Variants in PDGFRA observed in about 807,000 individuals in gnomAD.
The protein encoded by PDGFRA is platelet derived growth factor receptor alpha, also known as platelet-derived growth factor receptor alpha.
In PDGFRA, 25 loss-of-function variants were observed where a neutral mutation model predicts 121.5. That is an observed-to-expected ratio of 0.21 (90% CI 0.15 to 0.29). PDGFRA has a LOEUF of 0.29. Ranked by LOEUF, PDGFRA falls within the 10% of genes least tolerant of loss-of-function variation. PDGFRA has a pLI of 1.00. For synonymous variants in PDGFRA, 463 were observed against 494.8 expected, an observed-to-expected ratio of 0.94 and a Z score of 0.85; for missense variants, 1,008 against 1,345.1, an observed-to-expected ratio of 0.75 and a Z score of 3.92.
intron 1 of PDGFRA, among the ~76,000 whole-genome samples, chr4:54,244,402 C>T (rs965460543): frequency 2.0e-5 from 3 of 152,172 alleles, no homozygotes; most frequent in East Asian, 3.9e-4. Flanking sequence ...GCAGCATTTG[C>T]GGTTCACGAA....
chr4:54,285,800 A>G, intron 17 of PDGFRA, 41 bp from the exon 18 acceptor site: 1 of 1,610,982 alleles, frequency 6.2e-7, no homozygotes, highest in Non-Finnish European at 8.5e-7. Flanking sequence ...ATTCAGCTAC[A>G]GATGGCTTGA....
intron 21 of PDGFRA, among the ~76,000 whole-genome samples, chr4:54,289,422 C>T (rs1358775987): frequency 6.6e-6 from 1 of 152,222 alleles, no homozygotes; most frequent in Non-Finnish European, 1.5e-5. Flanking sequence ...CATTACATCA[C>T]TAATTTGAGT....
Position 54,297,612 on chromosome 4 carries a change from G to A in PDGFRA, c.*2340G>A. On this transcript the variant is annotated 3_prime_UTR_variant, in exon 23 of 23. Transcript: ENST00000257290. ...AAACTTCTCAGTCCAGCAGTTTCCA[G>A]TCCTAACAAATGCTCCCACCTGAAT... 1 of 233,656 alleles carries A rather than the reference G, an allele frequency of 4.3e-6. No individual in the cohort carries two copies. Among genetic ancestry groups the A allele is most frequent in the Non-Finnish European group, 8.5e-6 (1 of 118,054 alleles). The allele number at this position is 233,656 out of a possible 1,614,324, so 14.5% of individuals were successfully genotyped here.
rs5858264 is a variant in PDGFRA at position 54,284,879 on chromosome 4, C to CTTTTTTTTTTTTTTTTTT, written c.2324-487_2324-470dup. The stretch of plus-strand genomic sequence containing the variant: ...CTTTCCTTTCTTTCATTCTTTCTAT[C>CTTTTTTTTTTTTTTTTTT]TTTTTTTTTTTTTTTTTTTTTTGAG... On this transcript the variant is annotated intron_variant, in intron 16 of 22. Coordinates refer to ENST00000257290, the MANE Select transcript of PDGFRA (RefSeq NM_006206.6). Among the ~76,000 whole-genome samples, 9 of 101,248 alleles carry CTTTTTTTTTTTTTTTTTT rather than the reference C, an allele frequency of 8.9e-5. 4 individuals carry two copies. Among genetic ancestry groups the CTTTTTTTTTTTTTTTTTT allele is most frequent in the Admixed American group, 2.6e-4 (2 of 7,696 alleles). 66.4% of individuals were successfully genotyped at this position (101,248 alleles called of 152,430 possible).
chr4:54,260,100 C>A (rs1400461782), intron 2 of PDGFRA, among the ~76,000 whole-genome samples: 1 of 152,056 alleles, frequency 6.6e-6, no homozygotes, highest in East Asian at 1.9e-4. Context: ...ATTTGAGCTT[C>A]GAAGATGAAC....
At chr4:54,278,892 T>C (rs1242134642) in intron 15 of PDGFRA, 1 of 469,352 alleles carries the variant, frequency 2.1e-6, no homozygotes, top group Non-Finnish European at 4.2e-6. Context: ...AGGTCCTTGC[T>C]GAACCTGGAC....
At chr4:54,234,323 G>A (rs554485553) in intron 1 of PDGFRA, among the ~76,000 whole-genome samples, 37 of 152,318 alleles carry the variant, frequency 2.4e-4, no homozygotes, top group African/African-American at 8.4e-4. Flanking sequence ...ACAACCTAAG[G>A]AAGGAAGAGA....
chr4:54,291,735 C>T (rs1220039793), intron 22 of PDGFRA, among the ~76,000 whole-genome samples: 1 of 152,206 alleles, frequency 6.6e-6, no homozygotes, highest in Non-Finnish European at 1.5e-5. Flanking sequence ...TCTCAAAGAA[C>T]TTTTAACAGA....
chr4:54,290,647 G>A (rs191881527), intron 22 of PDGFRA, 93 bp downstream of exon 22: 107 of 1,428,814 alleles, frequency 7.5e-5, no homozygotes, highest in African/African-American at 1.8e-4. Flanking sequence ...GTGCACTCCC[G>A]GTTGGTAAAT....
At chr4:54,267,891 T>C in intron 7 of PDGFRA, 150 bp downstream of exon 7, 1 of 709,790 alleles carries the variant, frequency 1.4e-6, no homozygotes, top group Non-Finnish European at 2.5e-6. Flanking sequence ...ATCCCTTTAA[T>C]GATAACATTG....
intron 12 of PDGFRA, chr4:54,277,141 C>A: frequency 1.9e-6 from 1 of 534,424 alleles, no homozygotes. Context: ...GGGAGGGCTG[C>A]ACCCTCCTTT....
chr4:54,236,371 C>G (rs1721009986), intron 1 of PDGFRA, among the ~76,000 whole-genome samples: 1 of 152,184 alleles, frequency 6.6e-6, no homozygotes, highest in South Asian at 2.1e-4. Context: ...AAGACTCACT[C>G]CCAGAGAGCC....
intron 10 of PDGFRA, 36 bp from the exon 11 acceptor site, chr4:54,274,495 A>G (rs749701647): frequency 6.7e-7 from 1 of 1,499,598 alleles, no homozygotes; most frequent in South Asian, 1.1e-5. Flanking sequence ...GTCTGCCAGG[A>G]AACTTTTCAT....
chr4:54,258,747 A>C lies in PDGFRA; in HGVS notation c.-12-10A>C. 1 of 1,594,034 alleles carries C rather than the reference A, an allele frequency of 6.3e-7. No individual in the cohort carries two copies. Among genetic ancestry groups the C allele is most frequent in the African/African-American group, 1.3e-5 (1 of 74,656 alleles). On this transcript the variant is annotated splice_polypyrimidine_tract_variant and intron_variant, in intron 1 of 22. Transcript: ENST00000257290. ...CTAATGCTGTTTCTGTTGACTTTTG[A>C]CTTTTCTAGTTTCCCAGAGCTATGG...
At chr4:54,235,165 T>C (rs1027803438) in intron 1 of PDGFRA, among the ~76,000 whole-genome samples, 1 of 152,164 alleles carries the variant, frequency 6.6e-6, no homozygotes, top group Admixed American at 6.5e-5. Flanking sequence ...CAGTTAGAAT[T>C]AACTTAGGAG....
chr4:54,235,275 G>C, intron 1 of PDGFRA, among the ~76,000 whole-genome samples: 1 of 152,158 alleles, frequency 6.6e-6, no homozygotes, highest in Non-Finnish European at 1.5e-5. Context: ...ATGTGAGGGT[G>C]GGGTGAAATT....
At chr4:54,270,147 A>G (rs1723262063) in intron 7 of PDGFRA, among the ~76,000 whole-genome samples, 1 of 152,170 alleles carries the variant, frequency 6.6e-6, no homozygotes, top group South Asian at 2.1e-4. Context: ...GCAAAATACA[A>G]GCAAGTAGGA....
chr4:54,258,689 A>T (rs1455420336), intron 1 of PDGFRA, 68 bp from the exon 2 acceptor site: 10 of 951,638 alleles, frequency 1.1e-5, no homozygotes, highest in Non-Finnish European at 1.6e-5. Context: ...GCAAAACACA[A>T]AGAGAACTAG....
chr4:54,239,805 C>A (rs891217504), intron 1 of PDGFRA, among the ~76,000 whole-genome samples: 2 of 151,840 alleles, frequency 1.3e-5, no homozygotes, highest in Non-Finnish European at 2.9e-5. Flanking sequence ...TTCTCTGGGA[C>A]CTTTTCTCTT....
Sources: gnomAD v4.1 joint callset for allele counts (sites outside exome capture counted in the v4.1 genomes callset) on GRCh38, gnomAD v4.1.1 for gene constraint, MANE v1.5 for transcripts, NCBI Gene and HGNC (gene_info 2026-07-23, HGNC 2026-07-21) for gene names.